Variants in POU2F3 observed in about 807,000 individuals in gnomAD.
POU2F3 encodes POU class 2 homeobox 3.
A neutral mutation model predicts 59.2 loss-of-function variants in POU2F3; 23 were observed. That is an observed-to-expected ratio of 0.39 (90% CI 0.28 to 0.55). POU2F3 has a LOEUF of 0.55. Among genes scored for constraint, POU2F3 ranks in the 20% least tolerant of loss-of-function variants. The probability of loss-of-function intolerance (pLI) is 0.66; values close to 1 mark genes in which losing one functional copy is unlikely to be tolerated. For missense variants in POU2F3, 473 were observed against 544.5 expected (o/e 0.87, Z 1.31); for synonymous variants, 190 against 214.6 (o/e 0.89, Z 1.00).
intron 3 of POU2F3, among the ~76,000 whole-genome samples, chr11:120,287,262 AT>A (rs1357647804): frequency 6.6e-6 from 1 of 152,210 alleles, no homozygotes; most frequent in African/African-American, 2.4e-5. Flanking sequence ...TTGGGAAATC[AT>A]TTGACTTCTC....
At chr11:120,282,566 G>A (rs1940613676) in intron 3 of POU2F3, among the ~76,000 whole-genome samples, 1 of 152,166 alleles carries the variant, frequency 6.6e-6, no homozygotes, top group Non-Finnish European at 1.5e-5. Context: ...TAAGGCACAA[G>A]AATCACTTGA....
At chr11:120,239,767 T>C (rs887807763), upstream of POU2F3, among the ~76,000 whole-genome samples, 3 of 152,168 alleles carry the variant, frequency 2.0e-5, no homozygotes, top group East Asian at 1.9e-4. Flanking sequence ...ATTCCAAAAC[T>C]GAATTCTTTC....
chr11:120,276,579 G>A (rs1940335069), intron 3 of POU2F3, among the ~76,000 whole-genome samples: 1 of 152,058 alleles, frequency 6.6e-6, no homozygotes, highest in Admixed American at 6.6e-5. Context: ...GCAGGGCAGG[G>A]CGGGGCAGGC....
At chr11:120,278,605 A>C (rs1339900826) in intron 3 of POU2F3, among the ~76,000 whole-genome samples, 2 of 152,194 alleles carry the variant, frequency 1.3e-5, no homozygotes, top group Non-Finnish European at 2.9e-5. Flanking sequence ...GGTCTGAAAA[A>C]TTCCTAAAAA....
chr11:120,317,661 G>A (rs1015894956), intron 12 of POU2F3, among the ~76,000 whole-genome samples: 2 of 152,174 alleles, frequency 1.3e-5, no homozygotes, highest in African/African-American at 4.8e-5. Flanking sequence ...GAAAGAGCCA[G>A]GTCCTTTGCT....
At chr11:120,307,760 G>C (rs1278111151) in intron 9 of POU2F3, 145 bp downstream of exon 9, 1 of 1,123,290 alleles carries the variant, frequency 8.9e-7, no homozygotes, top group Non-Finnish European at 1.2e-6. Flanking sequence ...CCCACTCCAG[G>C]CGCCCAGGTA....
At chr11:120,306,627 A>T (rs1271270314) in intron 8 of POU2F3, among the ~76,000 whole-genome samples, 1 of 152,052 alleles carries the variant, frequency 6.6e-6, no homozygotes, top group Non-Finnish European at 1.5e-5. Context: ...CCGGTTGAGA[A>T]CTGCCGGCCT....
At chr11:120,292,736 G>A (rs1343964676) in intron 3 of POU2F3, among the ~76,000 whole-genome samples, 1 of 152,222 alleles carries the variant, frequency 6.6e-6, no homozygotes, top group African/African-American at 2.4e-5. Flanking sequence ...GGTGTCTCAG[G>A]AGGGCTCCGC....
At chr11:120,244,987 A>G (rs927886832) in intron 1 of POU2F3, among the ~76,000 whole-genome samples, 2 of 152,164 alleles carry the variant, frequency 1.3e-5, no homozygotes, top group African/African-American at 4.8e-5. Context: ...GGTCTTCCTC[A>G]GAGCTCTGTG....
At chr11:120,315,637 TTTTGC>T (rs1174557307) in intron 11 of POU2F3, among the ~76,000 whole-genome samples, 1 of 152,192 alleles carries the variant, frequency 6.6e-6, no homozygotes, top group Non-Finnish European at 1.5e-5. Flanking sequence ...TTTTGTTTTG[TTTTGC>T]TTTAACTGCA....
intron 2 of POU2F3, among the ~76,000 whole-genome samples, chr11:120,251,536 C>T (rs1243012604): frequency 6.6e-6 from 1 of 152,168 alleles, no homozygotes. Flanking sequence ...CTAGGATCTG[C>T]ACCTCAGTCT....
chr11:120,302,801 C>G (rs1941384592), intron 6 of POU2F3: 1 of 158,960 alleles, frequency 6.3e-6, no homozygotes, highest in African/African-American at 2.4e-5. Flanking sequence ...TCTTTCACCT[C>G]TGGGCCACTA....
intron 1 of POU2F3, among the ~76,000 whole-genome samples, chr11:120,242,086 C>T (rs1938688115): frequency 6.6e-6 from 1 of 152,130 alleles, no homozygotes; most frequent in Non-Finnish European, 1.5e-5. Context: ...GGTAGATTGC[C>T]CAATTCATCT....
In POU2F3 at chr11:120,247,615, T is replaced by C. The variant is rs191778752; in HGVS notation, c.97+1098T>C. Reference sequence around the variant, plus strand: ...TGGGCCGGTCACACTCATGTTTCAATAGATTATTTAGCAGAGTATCTTTTA... The same window carrying C: ...TGGGCCGGTCACACTCATGTTTCAACAGATTATTTAGCAGAGTATCTTTTA... On this transcript the variant is annotated intron_variant, in intron 2 of 12. Transcript: ENST00000543440. Among the ~76,000 whole-genome samples the C allele has an allele frequency of 2.2e-3, 338 of 152,368 alleles. 1 individual carries two copies. The highest frequency in any genetic ancestry group is 2.5e-3 in the East Asian group (13 of 5,188).
Position 120,319,400 on chromosome 11 carries a change from A to G in POU2F3, c.*1008A>G, listed in dbSNP as rs904159397. The G allele has an allele frequency of 6.7e-6, 1 of 149,764 alleles. No homozygotes were observed. Among genetic ancestry groups the G allele is most frequent in the Non-Finnish European group, 1.5e-5 (1 of 67,474 alleles). The allele number at this position is 149,764 out of a possible 1,614,324, so 9.3% of individuals were successfully genotyped here. On this transcript the variant is annotated 3_prime_UTR_variant, in exon 13 of 13. Transcript: ENST00000543440. ...ATACCAAAGTGTGAAATACTGTGCT[A>G]CCTTCCAGAGTTCCCACATGGGCTG...
chr11:120,241,867 G>C (rs1362554229), intron 1 of POU2F3, among the ~76,000 whole-genome samples: 1 of 152,124 alleles, frequency 6.6e-6, no homozygotes, highest in South Asian at 2.1e-4. Flanking sequence ...GGATATAGCA[G>C]AGAGCAGAGA....
At chr11:120,293,002 T>C (rs1941075237) in intron 3 of POU2F3, among the ~76,000 whole-genome samples, 1 of 152,224 alleles carries the variant, frequency 6.6e-6, no homozygotes, top group Non-Finnish European at 1.5e-5. Flanking sequence ...TTGTTGCATT[T>C]CCAGAGTAGG....
At chr11:120,246,666 C>A in intron 2 of POU2F3, 149 bp downstream of exon 2, 1 of 746,750 alleles carries the variant, frequency 1.3e-6, no homozygotes, top group Non-Finnish European at 2.2e-6. Flanking sequence ...TCCCTGAGGA[C>A]ATGGGATATG....
chr11:120,303,125 C>T (rs1941393983), intron 6 of POU2F3: 1 of 152,248 alleles, frequency 6.6e-6, no homozygotes, highest in South Asian at 2.1e-4. Flanking sequence ...GATCTCTGTG[C>T]TAAGATCCCC....
Sources: allele counts gnomAD v4.1 joint callset (sites outside exome capture counted in the v4.1 genomes callset), GRCh38; gene constraint gnomAD v4.1.1; transcripts MANE v1.5; gene names NCBI Gene and HGNC (gene_info 2026-07-23, HGNC 2026-07-21).